Variants in DNAH12 observed in about 807,000 individuals in gnomAD.
The protein encoded by DNAH12 is axonemal beta dynein heavy chain 12.
In DNAH12, 285 loss-of-function variants were observed where a neutral mutation model predicts 371.5. The ratio of observed to expected loss-of-function variants is 0.77; its 90% CI spans 0.70 to 0.85. The LOEUF (loss-of-function observed/expected upper bound fraction) is 0.85. DNAH12 is among the 40% of genes least tolerant of loss of function. The pLI, the probability that DNAH12 is intolerant of heterozygous loss-of-function variation, is 0.00. For synonymous variants in DNAH12, 1,200 were observed against 1,213.0 expected, an observed-to-expected ratio of 0.99 and a Z score of 0.22; for missense variants, 3,611 against 3,689.4, an observed-to-expected ratio of 0.98 and a Z score of 0.55.
rs11440259 is a variant in DNAH12, at chr3:57,520,450, AT to A, written c.279+3132del. ...TTTTATTATTTTATTTATTATTATT[AT>A]TTTTTTTTTGAGACGGAGTCTTGCT... On this transcript the variant is annotated intron_variant, in intron 4 of 73. Transcript: ENST00000495027. Among the ~76,000 whole-genome samples, 8 of 141,824 alleles carry A rather than the reference AT, an allele frequency of 5.6e-5. No individual in the cohort carries two copies. The East Asian group carries it at 8.4e-4, about 15-fold the overall frequency. The allele number at this position is 141,824 out of a possible 152,430, so 93.0% of individuals were successfully genotyped here.
rs751798631 is a variant in DNAH12, at chr3:57,299,399, CTG to C, written c.11394+2334_11394+2335del. On this transcript the variant is annotated intron_variant, in intron 70 of 73. Coordinates refer to ENST00000495027, the MANE Select transcript of DNAH12 (RefSeq NM_001366028.2). ...TTCTGTCATTTTACAGATGAAGAAA[CTG>C]GGGTACAGAAAGATGAGTAACTTGC... Among the ~76,000 whole-genome samples, 18 of 152,058 alleles carry C rather than the reference CTG, an allele frequency of 1.2e-4. No individual in the cohort carries two copies. In the East Asian group the frequency reaches 3.1e-3, roughly 26 times the overall value.
intron 45 of DNAH12, among the ~76,000 whole-genome samples, chr3:57,389,833 T>C (rs1226998747): frequency 8.0e-6 from 1 of 125,420 alleles, no homozygotes; most frequent in South Asian, 2.7e-4. Flanking sequence ...TATATATATA[T>C]ATATATAATA....
At chr3:57,435,572 A>G (rs1470148682) in intron 30 of DNAH12, among the ~76,000 whole-genome samples, 1 of 152,144 alleles carries the variant, frequency 6.6e-6, no homozygotes, top group East Asian at 1.9e-4. Flanking sequence ...CTAGAATCAA[A>G]TAGATAAAAA....
intron 60 of DNAH12, among the ~76,000 whole-genome samples, chr3:57,350,606 A>T (rs2062649999): frequency 6.6e-6 from 1 of 152,228 alleles, no homozygotes; most frequent in Non-Finnish European, 1.5e-5. Context: ...CCTTCATAAT[A>T]TTGGGCTGTG....
chr3:57,382,611 G>A (rs985805878), intron 49 of DNAH12, among the ~76,000 whole-genome samples: 6 of 151,774 alleles, frequency 4.0e-5, no homozygotes, highest in Admixed American at 6.6e-5. Context: ...GTTGGGAGGG[G>A]TCAGTCATAG....
At chr3:57,361,444 C>CTA (rs1201361123) in intron 58 of DNAH12, among the ~76,000 whole-genome samples, 14,610 of 116,456 alleles carry the variant, frequency 0.13, 972 homozygotes, top group Non-Finnish European at 0.15. Flanking sequence ...CACACACACA[C>CTA]TATATATATA....
intron 14 of DNAH12, among the ~76,000 whole-genome samples, chr3:57,472,265 T>C (rs2066388218): frequency 6.6e-6 from 1 of 152,308 alleles, no homozygotes; most frequent in South Asian, 2.1e-4. Flanking sequence ...AGTTAAATAA[T>C]TGAATAAATG....
At chr3:57,498,088 C>T (rs2067379218) in intron 11 of DNAH12, 1 of 159,692 alleles carries the variant, frequency 6.3e-6, no homozygotes, top group Admixed American at 6.3e-5. Context: ...TGCTAAACAT[C>T]ATTAGTCATC....
rs1553660714 is a variant in DNAH12, at chr3:57,352,239, G to C, written c.9534-14C>G. 3 of 1,526,654 alleles carry C rather than the reference G, an allele frequency of 2.0e-6. No individual in the cohort carries two copies. In the East Asian group the frequency reaches 7.4e-5, roughly 38 times the overall value. 94.6% of individuals were successfully genotyped at this position (1,526,654 alleles called of 1,614,324 possible). ...TTGGATTTGTTACTAAAGTTAAAAA[G>C]AAGGAAAACGTATTGTCAAACAAAA... On this transcript the variant is annotated splice_polypyrimidine_tract_variant and intron_variant, in intron 59 of 73. Coordinates refer to ENST00000495027, the MANE Select transcript of DNAH12 (RefSeq NM_001366028.2).
intron 55 of DNAH12, among the ~76,000 whole-genome samples, chr3:57,371,463 G>T (rs957713430): frequency 6.6e-6 from 1 of 151,986 alleles, no homozygotes; most frequent in African/African-American, 2.4e-5. Flanking sequence ...TCACCGAATT[G>T]TACAATTTAA....
chr3:57,430,557 C>A (rs1255037586), intron 32 of DNAH12, among the ~76,000 whole-genome samples: 2 of 152,136 alleles, frequency 1.3e-5, no homozygotes, highest in Admixed American at 1.3e-4. Context: ...CTGAATTTAT[C>A]AACTGCTTCC....
At chr3:57,416,795 G>T (rs139299997) in intron 37 of DNAH12, among the ~76,000 whole-genome samples, 3 of 152,208 alleles carry the variant, frequency 2.0e-5, no homozygotes, top group South Asian at 2.1e-4. Flanking sequence ...GGGAATTCAA[G>T]CAAGGTTTCC....
At chr3:57,544,865 A>G (rs960797517), upstream of DNAH12, among the ~76,000 whole-genome samples, 3 of 152,348 alleles carry the variant, frequency 2.0e-5, no homozygotes, top group African/African-American at 7.2e-5. Context: ...CTACATCTAA[A>G]TGATAATAGC....
chr3:57,472,606 TA>T lies in DNAH12; in HGVS notation c.1715del (p.Leu572Ter). The T allele has an allele frequency of 6.4e-7, 1 of 1,551,174 alleles. No homozygotes were observed. Among genetic ancestry groups the T allele is most frequent in the Non-Finnish European group, 8.7e-7 (1 of 1,146,790 alleles). On this transcript the variant is annotated frameshift_variant, in exon 14 of 74. Coordinates refer to ENST00000495027, the MANE Select transcript of DNAH12 (RefSeq NM_001366028.2). LOFTEE classifies it high-confidence loss of function. ...VFLFPQEDLA[L>X]NATVLMWPRK... is the part of the protein sequence containing the mutation. ...TAGGCCACATGAGGACAGTTGCATT[TA>T]AAGCTAAGTCTTCTTGAGGAAATAG...
At chr3:57,513,213 T>C (rs1368099314) in intron 4 of DNAH12, among the ~76,000 whole-genome samples, 1 of 152,010 alleles carries the variant, frequency 6.6e-6, no homozygotes, top group Non-Finnish European at 1.5e-5. Context: ...TCATGTCCTT[T>C]GCAGGGACAT....
At chr3:57,502,847 T>C (rs1192996481) in intron 9 of DNAH12, among the ~76,000 whole-genome samples, 1 of 152,046 alleles carries the variant, frequency 6.6e-6, no homozygotes, top group African/African-American at 2.4e-5. Context: ...GCCTGGCCTA[T>C]TTTTTGTATT....
At chr3:57,477,165 C>A (rs1023482125) in intron 13 of DNAH12, among the ~76,000 whole-genome samples, 12 of 152,140 alleles carry the variant, frequency 7.9e-5, no homozygotes, top group African/African-American at 2.9e-4. Context: ...CAGAGAATTC[C>A]CTTTCCCAGT....
intron 67 of DNAH12, 70 bp from the exon 68 acceptor site, chr3:57,309,924 AC>A: frequency 7.6e-7 from 1 of 1,317,828 alleles, no homozygotes; most frequent in East Asian, 2.7e-5. Context: ...AGGATACGCT[AC>A]TCCAAAATAT....
intron 55 of DNAH12, among the ~76,000 whole-genome samples, chr3:57,373,317 GA>G (rs1340662469): frequency 2.4e-5 from 1 of 42,040 alleles, no homozygotes; most frequent in African/African-American, 6.8e-5. Context: ...TTACTCAACT[GA>G]TTTTTTTTTT....
Sources: allele counts gnomAD v4.1 joint callset (sites outside exome capture counted in the v4.1 genomes callset), GRCh38; gene constraint gnomAD v4.1.1; transcripts MANE v1.5; gene names NCBI Gene and HGNC (gene_info 2026-07-23, HGNC 2026-07-21).